Variants in NUMA1 observed in about 807,000 individuals in gnomAD.
NUMA1 encodes the protein SP-H antigen.
Under a neutral mutation model 237.1 loss-of-function variants are expected in NUMA1, and 62 were observed. The observed-to-expected ratio is 0.26, with a 90% CI of 0.21 to 0.32. NUMA1 has a LOEUF of 0.32. Ranked by LOEUF, NUMA1 falls within the 10% of genes least tolerant of loss-of-function variation. NUMA1 has a pLI of 1.00. For missense variants in NUMA1, 2,533 were observed against 2,666.5 expected (o/e 0.95, Z 1.10); for synonymous variants, 1,028 against 1,066.1 (o/e 0.96, Z 0.70).
intron 1 of NUMA1, among the ~76,000 whole-genome samples, chr11:72,077,830 C>A (rs10466702): frequency 0.88 from 111,580 of 127,112 alleles, 49,163 homozygotes; most frequent in Non-Finnish European, 0.94. Flanking sequence ...AAAAAAAAAA[C>A]AAAAAACTGA....
In NUMA1 at chr11:72,013,399, C is replaced by T; in HGVS notation, c.4104G>A (p.Gln1368=). 6.2e-7 allele frequency: 1 copy of T among 1,612,608 alleles called. No homozygotes were observed. Among genetic ancestry groups the T allele is most frequent in the Middle Eastern group, 1.7e-4 (1 of 6,054 alleles). Residue 1368 remains glutamine, a synonymous_variant, in exon 15 of 27, where the codon CAG becomes CAA. Coordinates refer to ENST00000393695, the MANE Select transcript of NUMA1 (RefSeq NM_006185.4). This position sits in a 1 kb window ranked among gnomAD's most constrained non-coding sequence, Gnocchi z 6.8. ...CAGCGGCCTGCTCGGCCTGCAGCTG[C>T]TGGCAGAGGTGCTTAGCTGGCAGCA... ...SELLPAKHLC[Q]QLQAEQAAAE...
In NUMA1 at chr11:72,007,276, G is replaced by A. The variant is rs142782100; in HGVS notation, c.5376C>T (p.Ser1792=). 8.7e-6 allele frequency: 14 copies of A among 1,613,168 alleles called. No individual in the cohort carries two copies. The highest frequency in any genetic ancestry group is 4.0e-5 in the African/African-American group (3 of 74,910). ...SQAPLESSLD[S]LGDVFLDSGR... is the part of the protein sequence containing the mutation. ...CCGAGTCCAGGAAGACGTCTCCCAGGGAGTCCAGGCTGCTCTCCAGGGGGG... is the reference window on the plus strand; with the variant it reads ...CCGAGTCCAGGAAGACGTCTCCCAGAGAGTCCAGGCTGCTCTCCAGGGGGG... Residue 1792 remains serine, a synonymous_variant, in exon 21 of 27, where the codon TCC becomes TCT. Coordinates refer to ENST00000393695, the MANE Select transcript of NUMA1 (RefSeq NM_006185.4).
chr11:72,017,497 G>GA (rs34393610), intron 13 of NUMA1, 190 bp downstream of exon 13: 343,529 of 481,120 alleles, frequency 0.71, 106,697 homozygotes, highest in Middle Eastern at 0.79. Flanking sequence ...ATTGACTGGG[G>GA]AAAAAAAAAA....
chr11:72,030,922 G>A (rs1940219145), intron 3 of NUMA1, among the ~76,000 whole-genome samples: 3 of 152,262 alleles, frequency 2.0e-5, no homozygotes, highest in Admixed American at 1.3e-4. Flanking sequence ...CCAAATGGAT[G>A]GAATCCCTAC....
chr11:72,021,761 A>ACC lies in NUMA1; in HGVS notation c.373-472_373-471dup, dbSNP rs1237813580. Among the ~76,000 whole-genome samples the ACC allele has an allele frequency of 5.3e-5, 8 of 152,126 alleles. No homozygotes were observed. The Middle Eastern group carries it at 0.01, about 194-fold the overall frequency. On this transcript the variant is annotated intron_variant, in intron 7 of 26. Coordinates refer to ENST00000393695, the MANE Select transcript of NUMA1 (RefSeq NM_006185.4). ...TAGAACTACAGACACACACTGCCAC[A>ACC]CCCAGCTCATTTTTTTTAAAAAAAA...
chr11:72,004,750 G>A lies in NUMA1; in HGVS notation c.5896C>T (p.Arg1966Cys), dbSNP rs11538643. The stretch of plus-strand genomic sequence containing the variant: ...TGGATTGGCTGCATGCTGGCTCGGC[G>A]CAGGGTCTCTTGGGGGTCTCCAGTT... ...MKTGDPQETL[R>C]RASMQPIQIA... Residue 1966 changes from arginine to cysteine, a missense_variant, in exon 24 of 27, where the codon CGC becomes TGC. By Grantham distance (180) the Arg-to-Cys change is radical (BLOSUM62 -3). Around this residue, in one of 3 missense-constraint regions of NUMA1, gnomAD observed 795 missense variants for 750.8 expected, o/e 1.06. Coordinates refer to ENST00000393695, the MANE Select transcript of NUMA1 (RefSeq NM_006185.4). 3.5e-5 allele frequency: 57 copies of A among 1,610,266 alleles called. No homozygotes were observed. In the African/African-American group the frequency reaches 4.9e-4, roughly 14 times the overall value.
intron 3 of NUMA1, among the ~76,000 whole-genome samples, chr11:72,035,353 A>T (rs1940885080): frequency 6.6e-6 from 1 of 152,038 alleles, no homozygotes; most frequent in Non-Finnish European, 1.5e-5. Context: ...AGGCCTTTGA[A>T]GACCAAAGTC....
At chr11:72,068,286 CCCT>C (rs1177585593) in intron 2 of NUMA1, 1 of 152,224 alleles carries the variant, frequency 6.6e-6, no homozygotes, top group Non-Finnish European at 1.5e-5. Context: ...TGTGTTTCAG[CCCT>C]CAACACACTT....
At chr11:72,078,421 T>C (rs916704067) in intron 1 of NUMA1, among the ~76,000 whole-genome samples, 1 of 152,280 alleles carries the variant, frequency 6.6e-6, no homozygotes, top group Non-Finnish European at 1.5e-5. Flanking sequence ...TAATATCTTC[T>C]GATCATAGTT....
rs749330353 is a variant in NUMA1 at position 72,004,196 on chromosome 11, GCTTCATCCCC to G, written c.6123+19_6123+28del. 4 of 1,603,470 alleles carry G rather than the reference GCTTCATCCCC, an allele frequency of 2.5e-6. No individual in the cohort carries two copies. In the Admixed American group the frequency reaches 7.1e-5, roughly 28 times the overall value. ...ATCAGCAAGGTCCCGCCAGGGCGTC[GCTTCATCCCC>G]CTTCAGCCCCAGCCTCACCTGTTTA... On this transcript the variant is annotated intron_variant, in intron 25 of 26. Transcript: ENST00000393695.
intron 2 of NUMA1, among the ~76,000 whole-genome samples, chr11:72,040,155 T>C (rs1287796048): frequency 6.6e-6 from 1 of 152,078 alleles, no homozygotes; most frequent in Admixed American, 6.6e-5. Context: ...GCAAACCAGT[T>C]TGGTCCATCT....
chr11:72,004,901 G>T (rs924845184), intron 23 of NUMA1, 85 bp from the exon 24 acceptor site: 2 of 1,311,810 alleles, frequency 1.5e-6, no homozygotes, highest in East Asian at 5.0e-5. Context: ...CTCTACACTC[G>T]CCCGACACTT....
chr11:72,036,382 C>T (rs1573502), intron 2 of NUMA1, among the ~76,000 whole-genome samples: 134,923 of 152,300 alleles, frequency 0.89, 60,058 homozygotes, highest in Non-Finnish European at 0.95. Context: ...TAACCTCTTT[C>T]AGTCTTTTTC....
chr11:72,034,421 G>T (rs1590991409), intron 3 of NUMA1, among the ~76,000 whole-genome samples: 1 of 151,904 alleles, frequency 6.6e-6, no homozygotes, highest in Middle Eastern at 3.4e-3. Context: ...TAAAAAAAAT[G>T]ATACTGGCCA....
At chr11:72,011,120 A>G (rs1378853933) in intron 16 of NUMA1, among the ~76,000 whole-genome samples, 1 of 152,104 alleles carries the variant, frequency 6.6e-6, no homozygotes, top group Non-Finnish European at 1.5e-5. Context: ...AGGCCTGCCC[A>G]ACCCCCGTCA....
intron 2 of NUMA1, among the ~76,000 whole-genome samples, chr11:72,053,525 A>AAGAC (rs1228908700): frequency 6.6e-6 from 1 of 152,232 alleles, no homozygotes; most frequent in Non-Finnish European, 1.5e-5. Context: ...CACACAGAAG[A>AAGAC]AGACAGTTTG....
At chr11:72,049,301 A>G (rs947974694) in intron 2 of NUMA1, 15 of 151,878 alleles carry the variant, frequency 9.9e-5, no homozygotes, top group African/African-American at 3.4e-4. Flanking sequence ...AACATAGTAG[A>G]TCTGGTGTTG....
Position 72,014,728 on chromosome 11 carries a change from C to T in NUMA1, c.2775G>A (p.Lys925=). 6.2e-7 allele frequency: 1 copy of T among 1,614,138 alleles called. No individual in the cohort carries two copies. The highest frequency in any genetic ancestry group is 2.2e-5 in the East Asian group (1 of 44,888). ...EVARLETLVR[K]AGEQQETASR... ...AGGCTGTTTCCTGCTGCTCACCTGC[C>T]TTGCGCACCAAGGTCTCCAAGCGGG... The change falls in exon 15 of 27, where the codon AAG becomes AAA. Residue 925 remains lysine (K), a synonymous_variant. Coordinates refer to ENST00000393695, the MANE Select transcript of NUMA1 (RefSeq NM_006185.4). The surrounding 1 kb of genome is among the most constrained non-coding windows in gnomAD (Gnocchi z 4.6).
At chr11:72,017,317 T>G (rs1230138454) in intron 13 of NUMA1, 1 of 312,630 alleles carries the variant, frequency 3.2e-6, no homozygotes, top group Non-Finnish European at 6.3e-6. Flanking sequence ...CTACACGATG[T>G]GTGAAGTGCT....
Sources: gnomAD v4.1 joint callset for allele counts (sites outside exome capture counted in the v4.1 genomes callset) on GRCh38, gnomAD v4.1.1 for gene constraint, gnomAD v4.1.1 regional missense constraint, Gnocchi (gnomAD v3.1) non-coding constraint, MANE v1.5 for transcripts, NCBI Gene and HGNC (gene_info 2026-07-23, HGNC 2026-07-21) for gene names.